Variants in PCNX2 observed in about 807,000 individuals in gnomAD.
PCNX2 encodes pecanex 2, also known as pecanex-like protein 2.
PCNX2 carries 168 observed loss-of-function variants against 223.8 expected under a neutral mutation model. The ratio of observed to expected loss-of-function variants is 0.75; its 90% CI spans 0.66 to 0.85. The LOEUF is 0.85. Ranked by LOEUF, PCNX2 falls within the 40% of genes least tolerant of loss-of-function variation. The probability of loss-of-function intolerance (pLI) is 0.00; values close to 1 mark genes in which losing one functional copy is unlikely to be tolerated. For missense variants in PCNX2, 2,507 were observed against 2,675.5 expected (o/e 0.94, Z 1.39); for synonymous variants, 1,006 against 1,052.6 (o/e 0.96, Z 0.86).
At chr1:233,215,553 T>C (rs903563425) in intron 12 of PCNX2, among the ~76,000 whole-genome samples, 2 of 152,220 alleles carry the variant, frequency 1.3e-5, no homozygotes, top group South Asian at 4.1e-4. Context: ...ACAAGGATTA[T>C]GCAGCTGTAC....
chr1:233,257,348 A>G lies in PCNX2; in HGVS notation c.1834+680T>C, dbSNP rs1039438026. 8.8e-4 allele frequency among the ~76,000 whole-genome samples: 134 copies of G among 152,178 alleles called. 2 individuals are homozygous for G. Among genetic ancestry groups the G allele is most frequent in the Non-Finnish European group, 2.1e-4 (14 of 68,044 alleles). On this transcript the variant is annotated intron_variant, in intron 5 of 33. Coordinates refer to ENST00000258229, the MANE Select transcript of PCNX2 (RefSeq NM_014801.4). ...TATATCCATAACGTAAAGTTATATA[A>G]GGAGTAAGTGAGTTAATATGAGAGT...
intron 4 of PCNX2, among the ~76,000 whole-genome samples, chr1:233,260,239 T>C (rs903770187): frequency 6.6e-6 from 1 of 152,206 alleles, no homozygotes; most frequent in African/African-American, 2.4e-5. Context: ...TTACATACTA[T>C]GACTCAGAAT....
At chr1:233,014,322 G>C (rs958603431) in intron 28 of PCNX2, among the ~76,000 whole-genome samples, 15 of 152,126 alleles carry the variant, frequency 9.9e-5, no homozygotes, top group Non-Finnish European at 1.5e-5. Context: ...CTAACACTGA[G>C]CAGCAACTCT....
chr1:233,201,597 T>C (rs751319386), intron 13 of PCNX2: 9 of 152,256 alleles, frequency 5.9e-5, no homozygotes, highest in Non-Finnish European at 1.0e-4. Flanking sequence ...TTTTGTGCTA[T>C]GCTATATCTG....
chr1:233,261,179 T>C, intron 4 of PCNX2, 106 bp downstream of exon 4: 1 of 1,023,480 alleles, frequency 9.8e-7, no homozygotes. Context: ...CAGTCTTAGG[T>C]ATAGTTCTTA....
At chr1:233,011,478 C>CA (rs1315235753) in intron 28 of PCNX2, among the ~76,000 whole-genome samples, 2 of 152,166 alleles carry the variant, frequency 1.3e-5, no homozygotes, top group Admixed American at 6.5e-5. Flanking sequence ...GGTACATGTG[C>CA]AGGACGTGCA....
At chr1:233,051,487 C>T (rs765847130) in intron 25 of PCNX2, among the ~76,000 whole-genome samples, 16 of 152,230 alleles carry the variant, frequency 1.1e-4, no homozygotes, top group Middle Eastern at 3.4e-3. Flanking sequence ...AATGGGGGTA[C>T]ATATACACCA....
chr1:233,246,196 A>AAATGCCCTTCAGATGGGATG (rs1558387187), intron 8 of PCNX2, among the ~76,000 whole-genome samples: 3 of 136,814 alleles, frequency 2.2e-5, no homozygotes, highest in African/African-American at 9.9e-5. Context: ...CAGATGGGAT[A>AAATGCCCTTCAGATGGGATG]AATGCCCTTC....
intron 1 of PCNX2, chr1:233,289,566 G>A (rs1035030505): frequency 1.6e-6 from 1 of 612,196 alleles, no homozygotes; most frequent in East Asian, 2.7e-5. Flanking sequence ...AGGCAGGTGA[G>A]GGCAGGAGGC....
intron 21 of PCNX2, among the ~76,000 whole-genome samples, chr1:233,129,468 T>A (rs1259659665): frequency 6.6e-6 from 1 of 152,124 alleles, no homozygotes; most frequent in Non-Finnish European, 1.5e-5. Flanking sequence ...CGGCACCAGG[T>A]GTCATCAACC....
chr1:232,984,780 T>G (rs1251591422), intron 33 of PCNX2: 1 of 298,290 alleles, frequency 3.4e-6, no homozygotes, highest in South Asian at 5.4e-5. Context: ...CTAGCTGTAG[T>G]CAGTGTCACT....
rs183916400 is a variant in PCNX2, at chr1:233,200,887, G to A, written c.2864-623C>T. Among the ~76,000 whole-genome samples, 12 of 151,394 alleles carry A rather than the reference G, an allele frequency of 7.9e-5. No individual in the cohort carries two copies. The East Asian group carries it at 2.2e-3, about 27-fold the overall frequency. On this transcript the variant is annotated intron_variant, in intron 13 of 33. Transcript: ENST00000258229. ...AAAAAAATACAAAAATTAGCTGGGC[G>A]TGGTGGCGGGCGCCTGTAGTCCCAG...
At chr1:233,321,798 G>A in the PCNX2 span, among the ~76,000 whole-genome samples, 1 of 152,306 alleles carries the variant, frequency 6.6e-6, no homozygotes, top group Admixed American at 6.5e-5. Context: ...TGACACTGAA[G>A]AATACTACAG....
At chr1:233,223,637 G>A (rs1178529852) in intron 10 of PCNX2, among the ~76,000 whole-genome samples, 4 of 152,042 alleles carry the variant, frequency 2.6e-5, no homozygotes, top group South Asian at 2.1e-4. Flanking sequence ...GACAGGCCCC[G>A]GTGTGTGATG....
intron 12 of PCNX2, among the ~76,000 whole-genome samples, chr1:233,217,296 A>C (rs1333031073): frequency 6.6e-6 from 1 of 152,212 alleles, no homozygotes; most frequent in East Asian, 1.9e-4. Flanking sequence ...CAATGTATAC[A>C]TATATCAAAA....
Position 233,025,140 on chromosome 1 carries a change from C to A in PCNX2, c.4605+6G>T, listed in dbSNP as rs1289965777. 2 of 1,613,954 alleles carry A rather than the reference C, an allele frequency of 1.2e-6. No individual in the cohort carries two copies. The highest frequency in any genetic ancestry group is 1.7e-6 in the Non-Finnish European group (2 of 1,179,854). ...TGCCTTAGGTGTTTGGGAAACAGAG[C>A]AATACCTTGATGTAGTAGCGGATGA... On this transcript the variant is annotated splice_donor_region_variant and intron_variant, in intron 26 of 33. Transcript: ENST00000258229.
chr1:233,137,052 A>G (rs1676846211), intron 20 of PCNX2, among the ~76,000 whole-genome samples: 1 of 152,236 alleles, frequency 6.6e-6, no homozygotes. Flanking sequence ...GCTACCATTA[A>G]TGACCCATAG....
intron 1 of PCNX2, among the ~76,000 whole-genome samples, chr1:233,275,251 T>C (rs776273054): frequency 2.3e-4 from 35 of 152,184 alleles, no homozygotes; most frequent in Non-Finnish European, 3.7e-4. Flanking sequence ...TCACCCAGGC[T>C]GGAGTGCGTG....
chr1:233,052,398 G>C (rs1672039633), intron 25 of PCNX2, among the ~76,000 whole-genome samples: 1 of 152,132 alleles, frequency 6.6e-6, no homozygotes, highest in Admixed American at 6.5e-5. Context: ...CACCTTTCTA[G>C]CATTACCTAT....
Sources: gnomAD v4.1 joint callset for allele counts (sites outside exome capture counted in the v4.1 genomes callset) on GRCh38, gnomAD v4.1.1 for gene constraint, MANE v1.5 for transcripts, NCBI Gene and HGNC (gene_info 2026-07-23, HGNC 2026-07-21) for gene names.